The following RFC1 variants were observed in gnomAD, a reference collection of about 807,000 sequenced individuals.
RFC1 encodes replication factor C subunit 1.
A neutral mutation model predicts 137.4 loss-of-function variants in RFC1; 37 were observed. That is an observed-to-expected ratio of 0.27 (90% CI 0.21 to 0.35). The LOEUF (loss-of-function observed/expected upper bound fraction) is 0.35. Ranked by LOEUF, RFC1 falls within the 10% of genes least tolerant of loss-of-function variation. The probability of loss-of-function intolerance (pLI) is 1.00; values close to 1 mark genes in which losing one functional copy is unlikely to be tolerated. For missense variants in RFC1, 1,205 were observed against 1,358.5 expected (o/e 0.89, Z 1.78); for synonymous variants, 429 against 455.7 (o/e 0.94, Z 0.75).
intron 23 of RFC1, 39 bp downstream of exon 23, chr4:39,291,600 A>C (rs1158573634): frequency 7.1e-7 from 1 of 1,410,106 alleles, no homozygotes; most frequent in African/African-American, 1.4e-5. Flanking sequence ...AAACCTGGTA[A>C]TAGAAAGTGA....
At chr4:39,303,973 T>C (rs1400851500) in intron 15 of RFC1, among the ~76,000 whole-genome samples, 3 of 152,208 alleles carry the variant, frequency 2.0e-5, no homozygotes, top group African/African-American at 7.2e-5. Flanking sequence ...ACTTTGCACA[T>C]ATAAAATAAT....
At chr4:39,356,924 G>C (rs1341839902) in intron 1 of RFC1, among the ~76,000 whole-genome samples, 1 of 152,162 alleles carries the variant, frequency 6.6e-6, no homozygotes, top group Non-Finnish European at 1.5e-5. Context: ...ACAGTAACAA[G>C]TTCTAGCTAG....
At chr4:39,357,617 T>G (rs1741541527) in intron 1 of RFC1, among the ~76,000 whole-genome samples, 2 of 145,980 alleles carry the variant, frequency 1.4e-5, no homozygotes. Context: ...GGAGCTAACT[T>G]TTTTTTTTTT....
intron 21 of RFC1, among the ~76,000 whole-genome samples, chr4:39,298,919 C>T (rs1738181836): frequency 6.6e-6 from 1 of 152,152 alleles, no homozygotes; most frequent in African/African-American, 2.4e-5. Context: ...GAGATTAAGA[C>T]CATCCTGGCC....
chr4:39,337,938 C>T (rs1012309677), intron 4 of RFC1, among the ~76,000 whole-genome samples: 2 of 152,102 alleles, frequency 1.3e-5, no homozygotes, highest in African/African-American at 4.8e-5. Context: ...ATTAAAATTA[C>T]CAGTCAAACA....
intron 2 of RFC1, among the ~76,000 whole-genome samples, chr4:39,348,467 A>AAAAG (rs1741014732): frequency 7.2e-6 from 1 of 139,180 alleles, no homozygotes; most frequent in Non-Finnish European, 1.6e-5. Flanking sequence ...AAGAAAAGAA[A>AAAAG]AGAAAAGAAA....
chr4:39,357,325 A>G (rs943147878), intron 1 of RFC1, among the ~76,000 whole-genome samples: 1 of 152,242 alleles, frequency 6.6e-6, no homozygotes, highest in East Asian at 1.9e-4. Flanking sequence ...TTCTGAAGTC[A>G]TAATATTTAC....
At chr4:39,333,462 T>C (rs963038701) in intron 4 of RFC1, among the ~76,000 whole-genome samples, 10 of 152,064 alleles carry the variant, frequency 6.6e-5, no homozygotes, top group African/African-American at 1.9e-4. Flanking sequence ...ATGAAAAGTA[T>C]AAGCAACTGA....
At position 39,308,990 on chromosome 4, in the gene RFC1, C is replaced by T. The variant is rs1183676074; in HGVS notation, c.1531G>A (p.Val511Ile). Residue 511 changes from valine (V) to isoleucine (I), a missense_variant, in exon 13 of 25, where the codon GTC becomes ATC. Physicochemically the swap from Val to Ile is conservative, Grantham distance 29. Coordinates refer to ENST00000349703, the MANE Select transcript of RFC1 (RefSeq NM_002913.5). Reference sequence around the variant, plus strand: ...GGACTAATTTTTCTTTTTCCTTGGACATTTTTTTGGGGTGTTCTCTCCAGT... The same window carrying T: ...GGACTAATTTTTCTTTTTCCTTGGATATTTTTTTGGGGTGTTCTCTCCAGT... ...SKLERTPQKN[V>I]QGKRKISPSK... is the part of the protein sequence containing the mutation. 2 of 1,611,546 alleles carry T rather than the reference C, an allele frequency of 1.2e-6. No homozygotes were observed. The highest frequency in any genetic ancestry group is 1.3e-5 in the African/African-American group (1 of 74,504).
Position 39,366,301 on chromosome 4 carries a change from A to G in RFC1, c.-60T>C. ...GGGTGGGCCGGTTGAGGAATCTGTT[A>G]TCGAGGCTCAGGATCCATTCGCGCC... is the stretch of plus-strand genomic sequence containing the variant. On this transcript the variant is annotated 5_prime_UTR_variant, in exon 1 of 25. An upstream open reading frame in the 5' UTR loses its in-frame stop. Coordinates refer to ENST00000349703, the MANE Select transcript of RFC1 (RefSeq NM_002913.5). 2 of 1,494,176 alleles carry G rather than the reference A, an allele frequency of 1.3e-6. No individual in the cohort carries two copies. The highest frequency in any genetic ancestry group is 1.8e-6 in the Non-Finnish European group (2 of 1,119,326). 92.6% of individuals were successfully genotyped at this position (1,494,176 alleles called of 1,614,324 possible).
intron 3 of RFC1, among the ~76,000 whole-genome samples, chr4:39,343,177 C>A (rs975844691): frequency 6.6e-6 from 1 of 152,164 alleles, no homozygotes; most frequent in East Asian, 1.9e-4. Context: ...CGCGTGCCAC[C>A]ACGCCCAGAT....
chr4:39,338,625 G>A (rs774295597), intron 4 of RFC1, among the ~76,000 whole-genome samples: 24 of 152,150 alleles, frequency 1.6e-4, no homozygotes, highest in East Asian at 3.9e-4. Flanking sequence ...CTTTGAAATC[G>A]GTGTTGTTAA....
intron 1 of RFC1, among the ~76,000 whole-genome samples, chr4:39,361,945 C>T (rs895489459): frequency 7.3e-5 from 11 of 151,642 alleles, no homozygotes; most frequent in South Asian, 2.1e-4. Context: ...AGGCTGAGGC[C>T]GGAGAATGGG....
Position 39,326,570 on chromosome 4 carries a change from T to A in RFC1, c.635A>T (p.Asp212Val). 1.2e-6 allele frequency: 2 copies of A among 1,612,466 alleles called. No homozygotes were observed. Among genetic ancestry groups the A allele is most frequent in the Non-Finnish European group, 1.7e-6 (2 of 1,178,788 alleles). The part of the protein sequence containing the change: ...AIAKQLQLDE[D>V]AELERQLHED... Reference sequence around the variant, plus strand: ...TAAGCAAAATGCCAATACCTCCGCATCTTCATCAAGCTGTAATTGCTTGGC... The same window carrying A: ...TAAGCAAAATGCCAATACCTCCGCAACTTCATCAAGCTGTAATTGCTTGGC... Residue 212 changes from aspartate to valine, a missense_variant, in exon 6 of 25, where the codon GAT becomes GTT. Transcript: ENST00000349703.
intron 9 of RFC1, among the ~76,000 whole-genome samples, chr4:39,319,040 A>G (rs1739387786): frequency 6.6e-6 from 1 of 152,212 alleles, no homozygotes; most frequent in Admixed American, 6.5e-5. Flanking sequence ...TTTTCCTTTA[A>G]AAATAATTTC....
rs143022027 is a variant in RFC1 at position 39,311,385 on chromosome 4, T to C, written c.1488+60A>G. Reference sequence around the variant, plus strand: ...CAAGCCTGTATCCACCCAAGACATATGTCTATGAAATTAAAAAGTTAATAT... The same window carrying C: ...CAAGCCTGTATCCACCCAAGACATACGTCTATGAAATTAAAAAGTTAATAT... On this transcript the variant is annotated intron_variant, in intron 12 of 24. Coordinates refer to ENST00000349703, the MANE Select transcript of RFC1 (RefSeq NM_002913.5). 44 of 1,389,302 alleles carry C rather than the reference T, an allele frequency of 3.2e-5. No individual in the cohort carries two copies. In the East Asian group the frequency reaches 7.1e-4, roughly 23 times the overall value. The allele number at this position is 1,389,302 out of a possible 1,614,324, so 86.1% of individuals were successfully genotyped here. A position where few individuals can be genotyped will look rare whatever the true frequency, so the allele number is the denominator to read the frequency against.
At position 39,306,595 on chromosome 4, in the gene RFC1, A is replaced by G. The variant is rs550017180; in HGVS notation, c.1992T>C (p.Cys664=). 7 of 1,574,356 alleles carry G rather than the reference A, an allele frequency of 4.4e-6. No individual in the cohort carries two copies. The South Asian group carries it at 7.8e-5, about 17-fold the overall frequency. ...VGKTTTASLV[C]QELGYSYVEL... ...CACACTGTGACAACGCACCCACCTG[A>G]CACACCAGGGAAGCTGTGGTGGTTT... The change falls in exon 14 of 25, where the codon TGT becomes TGC. Residue 664 remains cysteine, a synonymous_variant. Transcript: ENST00000349703.
chr4:39,309,109 G>C lies in RFC1; in HGVS notation c.1489-77C>G, dbSNP rs947549676. Reference sequence around the variant, plus strand: ...TTTCTATCCTGCTAAACGTACTACAGAGAGCAATCAGAGATATCCAAGTGG... The same window carrying C: ...TTTCTATCCTGCTAAACGTACTACACAGAGCAATCAGAGATATCCAAGTGG... On this transcript the variant is annotated intron_variant, in intron 12 of 24. Coordinates refer to ENST00000349703, the MANE Select transcript of RFC1 (RefSeq NM_002913.5). 11 of 1,460,252 alleles carry C rather than the reference G, an allele frequency of 7.5e-6. No homozygotes were observed. In the Admixed American group the frequency reaches 1.9e-4, roughly 25 times the overall value. 90.5% of individuals were successfully genotyped at this position (1,460,252 alleles called of 1,614,324 possible).
chr4:39,345,526 C>CTTTTTT, intron 2 of RFC1, 50 bp from the exon 3 acceptor site: 15 of 1,164,400 alleles, frequency 1.3e-5, no homozygotes, highest in Middle Eastern at 5.7e-4. Flanking sequence ...ATATAACTAT[C>CTTTTTT]TTTTTTTTTT....
Sources: gnomAD v4.1 joint callset for allele counts (sites outside exome capture counted in the v4.1 genomes callset) on GRCh38, gnomAD v4.1.1 for gene constraint, MANE v1.5 for transcripts, NCBI Gene and HGNC (gene_info 2026-07-23, HGNC 2026-07-21) for gene names.